TMOD2: variants seen among roughly 807,000 people sequenced by gnomAD.
TMOD2 encodes tropomodulin 2.
In TMOD2, 22 loss-of-function variants were observed where a neutral mutation model predicts 39.9. The ratio of observed to expected loss-of-function variants is 0.55; its 90% CI spans 0.39 to 0.79. TMOD2 has a LOEUF of 0.79. TMOD2 is among the 30% of genes least tolerant of loss of function. The probability of loss-of-function intolerance (pLI) is 0.00; values close to 1 mark genes in which losing one functional copy is unlikely to be tolerated. For synonymous variants in TMOD2, 123 were observed against 146.1 expected (o/e 0.84, Z 1.14); for missense variants, 386 against 413.3 (o/e 0.93, Z 0.57).
chr15:51,792,135 G>A (rs1005000841), intron 7 of TMOD2, among the ~76,000 whole-genome samples: 13 of 152,238 alleles, frequency 8.5e-5, no homozygotes, highest in African/African-American at 2.9e-4. Flanking sequence ...CTAATATCCA[G>A]AATTGACAAG....
In TMOD2 at chr15:51,768,407, G is replaced by C. The variant is rs1405154392; in HGVS notation, c.272G>C (p.Gly91Ala). 4.3e-6 allele frequency: 7 copies of C among 1,613,804 alleles called. No individual in the cohort carries two copies. ...AGAGAGGACTTTGTGCCCTTCACTG[G>C]AGAAAAGAAAGGTAAGGACCACAGG... ...KDREDFVPFT[G>A]EKKGRVFIPK... Residue 91 changes from glycine (G) to alanine (A), a missense_variant, in exon 3 of 10, where the codon GGA (glycine) becomes GCA (alanine). Transcript: ENST00000249700.
chr15:51,798,625 G>A (rs2056068127), intron 8 of TMOD2, among the ~76,000 whole-genome samples: 1 of 152,222 alleles, frequency 6.6e-6, no homozygotes, highest in Non-Finnish European at 1.5e-5. Flanking sequence ...GGTGGTGGCA[G>A]AGGTGTTGAT....
chr15:51,784,035 C>G (rs937084377), intron 7 of TMOD2: 1 of 152,192 alleles, frequency 6.6e-6, no homozygotes, highest in Non-Finnish European at 1.5e-5. Flanking sequence ...CACTGTAATA[C>G]TATGAGGTAT....
intron 7 of TMOD2, among the ~76,000 whole-genome samples, chr15:51,787,559 C>T (rs139583380): frequency 2.6e-4 from 40 of 152,200 alleles, no homozygotes; most frequent in African/African-American, 9.6e-4. Context: ...CAAGTGGGTC[C>T]CTGACCCCCG....
At position 51,768,319 on chromosome 15, in the gene TMOD2, G is replaced by A. The variant is rs376066115; in HGVS notation, c.184G>A (p.Gly62Ser). The change falls in exon 3 of 10, where the codon GGC becomes AGC. Residue 62 changes from glycine (G) to serine (S), a missense_variant. Physicochemically the swap from Gly to Ser is moderately conservative, Grantham distance 56. Transcript: ENST00000249700. ...AGACCAGACACAGAAGGCAGCCACC[G>A]GCCCCTTTGACCGCGAGCACCTCCT... is the stretch of plus-strand genomic sequence containing the variant. ...QKDQTQKAATGPFDREHLLMY... is the reference protein window; with the variant it reads ...QKDQTQKAATSPFDREHLLMY... 38 of 1,614,052 alleles carry A rather than the reference G, an allele frequency of 2.4e-5. No homozygotes were observed. Among genetic ancestry groups the A allele is most frequent in the Middle Eastern group, 3.3e-4 (2 of 6,084 alleles).
rs1051857426 is a variant in TMOD2 at position 51,816,241 on chromosome 15, T to A, written c.*7787T>A. ...TAATGCTAAGGTAAATGTAAACTGT[T>A]TTAATTAATTAAGATCTTTCTGCTT... On this transcript the variant is annotated 3_prime_UTR_variant, in exon 10 of 10. Transcript: ENST00000249700. 1.3e-5 allele frequency: 2 copies of A among 152,238 alleles called. No homozygotes were observed. The highest frequency in any genetic ancestry group is 4.8e-5 in the African/African-American group (2 of 41,460). 9.4% of individuals were successfully genotyped at this position (152,238 alleles called of 1,614,324 possible). A position where few individuals can be genotyped will look rare whatever the true frequency, so the allele number is the denominator to read the frequency against.
intron 4 of TMOD2, 135 bp from the exon 5 acceptor site, chr15:51,776,797 C>T: frequency 1.5e-6 from 1 of 684,866 alleles, no homozygotes; most frequent in Non-Finnish European, 2.6e-6. Context: ...ACATGTACCA[C>T]ACACTGTGCA....
chr15:51,761,032 T>G (rs17649047), intron 1 of TMOD2, among the ~76,000 whole-genome samples: 18 of 152,222 alleles, frequency 1.2e-4, no homozygotes, highest in Non-Finnish European at 2.2e-4. Flanking sequence ...ATGGGAGCTT[T>G]GGAGCTAGAT....
intron 1 of TMOD2, among the ~76,000 whole-genome samples, chr15:51,761,318 G>C (rs934772115): frequency 3.3e-5 from 5 of 152,190 alleles, no homozygotes; most frequent in African/African-American, 1.2e-4. Flanking sequence ...AAAAGTGGGA[G>C]AGTCTGAAGC....
intron 8 of TMOD2, among the ~76,000 whole-genome samples, chr15:51,800,964 C>CA (rs2056083155): frequency 6.6e-6 from 1 of 152,220 alleles, no homozygotes; most frequent in African/African-American, 2.4e-5. Flanking sequence ...CTCAGCCTCT[C>CA]AAAGTGCTGG....
intron 1 of TMOD2, among the ~76,000 whole-genome samples, chr15:51,765,043 C>T (rs935782429): frequency 6.6e-6 from 1 of 151,750 alleles, no homozygotes; most frequent in East Asian, 2.0e-4. Context: ...CACTCTGTCA[C>T]CCAGGCTGGA....
rs1049737524 is a variant in TMOD2 at position 51,751,658 on chromosome 15, G to A, written c.-124G>A. Reference sequence around the variant, plus strand: ...CCTGTTCTCCCGGCCCCGCTCCACCGGGGCTGACGGACTGACGGCCAGCAC... The same window carrying A: ...CCTGTTCTCCCGGCCCCGCTCCACCAGGGCTGACGGACTGACGGCCAGCAC... On this transcript the variant is annotated 5_prime_UTR_variant, in exon 1 of 10. Coordinates refer to ENST00000249700, the MANE Select transcript of TMOD2 (RefSeq NM_014548.4). 1 of 169,172 alleles carries A rather than the reference G, an allele frequency of 5.9e-6. No individual in the cohort carries two copies. The highest frequency in any genetic ancestry group is 1.6e-4 in the East Asian group (1 of 6,148). 10.5% of individuals were successfully genotyped at this position (169,172 alleles called of 1,614,324 possible). A position where few individuals can be genotyped will look rare whatever the true frequency, so the allele number is the denominator to read the frequency against.
chr15:51,780,046 C>T (rs2055919081), intron 5 of TMOD2, among the ~76,000 whole-genome samples: 1 of 152,114 alleles, frequency 6.6e-6, no homozygotes, highest in African/African-American at 2.4e-5. Context: ...ACTTTATTTA[C>T]CCATTTTCAT....
chr15:51,803,394 T>C (rs1458007859), intron 8 of TMOD2, among the ~76,000 whole-genome samples: 1 of 152,094 alleles, frequency 6.6e-6, no homozygotes, highest in African/African-American at 2.4e-5. Flanking sequence ...TTCACCAGGT[T>C]GGTCTCGAAC....
chr15:51,801,233 TCTCTCACA>T (rs1361961908), intron 8 of TMOD2, among the ~76,000 whole-genome samples: 8 of 97,084 alleles, frequency 8.2e-5, no homozygotes, highest in Admixed American at 2.6e-4. Flanking sequence ...TCTCTCTCTC[TCTCTCACA>T]CACACACACA....
chr15:51,768,053 G>A (rs1330163837), intron 2 of TMOD2, among the ~76,000 whole-genome samples: 1 of 152,206 alleles, frequency 6.6e-6, no homozygotes, highest in African/African-American at 2.4e-5. Flanking sequence ...CGCTGCTTGA[G>A]CTCATTGGGA....
rs776228504 is a variant in TMOD2, at chr15:51,777,024, T to G, written c.493+6T>G. On this transcript the variant is annotated splice_donor_region_variant and intron_variant, in intron 5 of 9. Coordinates refer to ENST00000249700, the MANE Select transcript of TMOD2 (RefSeq NM_014548.4). ...TGGCAAAGGACCTGTCAGAAGTAAG[T>G]TGATGTGCAATCTGTGGTTTTGTAA... 5 of 1,612,976 alleles carry G rather than the reference T, an allele frequency of 3.1e-6. No individual in the cohort carries two copies. Among genetic ancestry groups the G allele is most frequent in the Non-Finnish European group, 4.2e-6 (5 of 1,179,144 alleles).
At chr15:51,779,539 C>A (rs376768967) in intron 5 of TMOD2, among the ~76,000 whole-genome samples, 3 of 152,190 alleles carry the variant, frequency 2.0e-5, no homozygotes, top group Admixed American at 1.3e-4. Context: ...CACCACCACG[C>A]CCGGCTAATT....
At chr15:51,764,537 T>G (rs1481080009) in intron 1 of TMOD2, among the ~76,000 whole-genome samples, 1 of 152,140 alleles carries the variant, frequency 6.6e-6, no homozygotes, top group African/African-American at 2.4e-5. Context: ...AAAAAAAGAT[T>G]GGCGTGCTCA....
Sources: gnomAD v4.1 joint callset for allele counts (sites outside exome capture counted in the v4.1 genomes callset) on GRCh38, gnomAD v4.1.1 for gene constraint, MANE v1.5 for transcripts, NCBI Gene and HGNC (gene_info 2026-07-23, HGNC 2026-07-21) for gene names.